The following RTN3 variants were observed in gnomAD, a reference collection of about 807,000 sequenced individuals.
RTN3 encodes reticulon 3.
Under a neutral mutation model 77.8 loss-of-function variants are expected in RTN3, and 49 were observed. That is an observed-to-expected ratio of 0.63 (90% CI 0.50 to 0.80). The LOEUF (loss-of-function observed/expected upper bound fraction) is 0.80. RTN3 is among the 30% of genes least tolerant of loss of function. RTN3 has a pLI of 0.00. For missense variants in RTN3, 1,236 were observed against 1,211.9 expected (o/e 1.02, Z -0.29); for synonymous variants, 464 against 446.9 (o/e 1.04, Z -0.48).
At chr11:63,725,711 C>G (rs572147066) in intron 3 of RTN3, among the ~76,000 whole-genome samples, 1 of 152,298 alleles carries the variant, frequency 6.6e-6, no homozygotes, top group African/African-American at 2.4e-5. Context: ...CTCGGCCTCC[C>G]AAAGTGCTGG....
chr11:63,696,755 C>T (rs1220667315), intron 1 of RTN3, among the ~76,000 whole-genome samples: 2 of 151,108 alleles, frequency 1.3e-5, no homozygotes, highest in African/African-American at 4.9e-5. Context: ...CATGGTTGGC[C>T]AGGCTGGTCT....
intron 3 of RTN3, among the ~76,000 whole-genome samples, chr11:63,740,448 A>ATTTTTTTTTTTTTTTTTTTT (rs34045543): frequency 8.3e-6 from 1 of 120,754 alleles, no homozygotes; most frequent in Non-Finnish European, 1.7e-5. Flanking sequence ...TGCCTGGCTA[A>ATTTTTTTTTTTTTTTTTTTT]TTTTTTTTTT....
chr11:63,682,943 G>C (rs1303020200), intron 1 of RTN3, among the ~76,000 whole-genome samples: 1 of 152,124 alleles, frequency 6.6e-6, no homozygotes, highest in South Asian at 2.1e-4. Context: ...AAATTCGGGA[G>C]AGTAGAGATA....
At chr11:63,727,836 C>T (rs1565328404) in intron 3 of RTN3, among the ~76,000 whole-genome samples, 1 of 152,146 alleles carries the variant, frequency 6.6e-6, no homozygotes. Context: ...GAGAGAGAGA[C>T]TGGAGAAGGA....
intron 1 of RTN3, among the ~76,000 whole-genome samples, chr11:63,685,752 C>A (rs140433490): frequency 6.6e-6 from 1 of 152,076 alleles, no homozygotes; most frequent in African/African-American, 2.4e-5. Flanking sequence ...CCAAGCTCCT[C>A]TTGGTTTTGG....
rs1308415612 is a variant in RTN3 at position 63,681,561 on chromosome 11, G to T, written c.-76G>T. 2.8e-6 allele frequency: 4 copies of T among 1,434,150 alleles called. No homozygotes were observed. Among genetic ancestry groups the T allele is most frequent in the Non-Finnish European group, 3.7e-6 (4 of 1,071,106 alleles). The allele number at this position is 1,434,150 out of a possible 1,614,324, so 88.8% of individuals were successfully genotyped here. On this transcript the variant is annotated 5_prime_UTR_variant, in exon 1 of 9. Transcript: ENST00000377819. ...AAGGGACTTGAGCGAGCCAGTTGCCGGATTATTCTATTTCCCCTCCCTCTC... is the reference window on the plus strand; with the variant it reads ...AAGGGACTTGAGCGAGCCAGTTGCCTGATTATTCTATTTCCCCTCCCTCTC...
chr11:63,705,002 CA>C (rs922153317), intron 2 of RTN3, 95 bp downstream of exon 2: 16 of 902,226 alleles, frequency 1.8e-5, no homozygotes, highest in Non-Finnish European at 2.7e-5. Context: ...TCTATTGCCC[CA>C]AATCCCCTAA....
chr11:63,691,744 A>G (rs1176551631), intron 1 of RTN3, among the ~76,000 whole-genome samples: 1 of 152,130 alleles, frequency 6.6e-6, no homozygotes, highest in Admixed American at 6.6e-5. Context: ...AGTCTGACCA[A>G]TTCTGTCAAT....
intron 7 of RTN3, among the ~76,000 whole-genome samples, chr11:63,753,982 A>G (rs979890655): frequency 2.0e-5 from 3 of 152,162 alleles, no homozygotes; most frequent in African/African-American, 7.2e-5. Context: ...TTTCTATGCA[A>G]AAGTAATAAG....
chr11:63,748,661 C>CTTTTT (rs561644667), intron 3 of RTN3, among the ~76,000 whole-genome samples: 1 of 105,882 alleles, frequency 9.4e-6, no homozygotes, highest in Non-Finnish European at 1.9e-5. Flanking sequence ...GCCCCACTCA[C>CTTTTT]TTTTTTTTTT....
At chr11:63,711,496 CCTCCCACCT>C (rs1405196737) in intron 2 of RTN3, among the ~76,000 whole-genome samples, 1 of 151,124 alleles carries the variant, frequency 6.6e-6, no homozygotes, top group Non-Finnish European at 1.5e-5. Context: ...CTCAAGCAAT[CCTCCCACCT>C]TAGCTTCCTG....
At position 63,720,496 on chromosome 11, in the gene RTN3, G is replaced by A; in HGVS notation, c.1994G>A (p.Gly665Glu). Residue 665 changes from glycine to glutamate, a missense_variant, in exon 3 of 9, where the codon GGA (glycine) becomes GAA (glutamate). Coordinates refer to ENST00000377819, the MANE Select transcript of RTN3 (RefSeq NM_001265589.2). ...GCCTTTACAGAAACCAGAGATAAAG[G>A]AATAGTAGATAGTGAAAGAAATGCT... Reference protein sequence around the residue: ...IAAFTETRDKGIVDSERNAFK... With the variant: ...IAAFTETRDKEIVDSERNAFK... The A allele has an allele frequency of 6.2e-7, 1 of 1,613,788 alleles. No homozygotes were observed. Among genetic ancestry groups the A allele is most frequent in the Non-Finnish European group, 8.5e-7 (1 of 1,179,958 alleles).
chr11:63,705,838 T>G (rs1942468830), intron 2 of RTN3, among the ~76,000 whole-genome samples: 1 of 152,208 alleles, frequency 6.6e-6, no homozygotes, highest in African/African-American at 2.4e-5. Flanking sequence ...GGAATCAGTT[T>G]GTGGAGGCAA....
At chr11:63,687,060 G>A (rs1432607760) in intron 1 of RTN3, among the ~76,000 whole-genome samples, 1 of 152,154 alleles carries the variant, frequency 6.6e-6, no homozygotes, top group Non-Finnish European at 1.5e-5. Flanking sequence ...ATGTGAATAT[G>A]TAATTTGTGT....
chr11:63,750,192 C>T lies in RTN3; in HGVS notation c.2732C>T (p.Pro911Leu). 1.2e-6 allele frequency: 2 copies of T among 1,610,960 alleles called. No homozygotes were observed. Among genetic ancestry groups the T allele is most frequent in the Non-Finnish European group, 1.7e-6 (2 of 1,178,152 alleles). The change falls in exon 4 of 9, where the codon CCA becomes CTA. Residue 911 changes from proline (P) to leucine (L), a missense_variant. Pro to Leu is a moderately conservative substitution (Grantham distance 98). This residue lies in a region of RTN3 where 141 missense variants were observed against 154.9 expected (regional missense o/e 0.91). Transcript: ENST00000377819. ...GTACAGAAGTCAGAAGAAGGCCATC[C>T]ATTCAAGTGAGTTGAAGTCTTAAAA... ...QAVQKSEEGH[P>L]FKAYLDVDIT...
chr11:63,705,358 T>TA (rs937318601), intron 2 of RTN3, among the ~76,000 whole-genome samples: 1 of 152,160 alleles, frequency 6.6e-6, no homozygotes, highest in African/African-American at 2.4e-5. Context: ...TGCATGCCTG[T>TA]AGTCCCAGCT....
In RTN3 at chr11:63,745,444, TAGAC is replaced by T. The variant is rs1164594798; in HGVS notation, c.2531-4544_2531-4541del. Among the ~76,000 whole-genome samples, 14 of 152,316 alleles carry T rather than the reference TAGAC, an allele frequency of 9.2e-5. No individual in the cohort carries two copies. The South Asian group carries it at 2.7e-3, about 29-fold the overall frequency. The stretch of plus-strand genomic sequence containing the variant: ...AGAAAGTGATGAAGGCAGGGGCTGT[TAGAC>T]AGGCTGGTCAGTGTCTGAGGAAGTA... On this transcript the variant is annotated intron_variant, in intron 3 of 8. Transcript: ENST00000377819.
intron 2 of RTN3, among the ~76,000 whole-genome samples, chr11:63,712,783 C>G (rs1475550369): frequency 1.3e-5 from 2 of 152,098 alleles, no homozygotes; most frequent in African/African-American, 4.8e-5. Context: ...CCGTGCCTGG[C>G]CGACTTCGAA....
At chr11:63,705,648 G>T (rs950197290) in intron 2 of RTN3, among the ~76,000 whole-genome samples, 2 of 152,178 alleles carry the variant, frequency 1.3e-5, no homozygotes, top group Middle Eastern at 3.2e-3. Flanking sequence ...GCCTAGCTAG[G>T]GTATTTTAAT....
Sources: gnomAD v4.1 joint callset for allele counts (sites outside exome capture counted in the v4.1 genomes callset) on GRCh38, gnomAD v4.1.1 for gene constraint, gnomAD v4.1.1 regional missense constraint, MANE v1.5 for transcripts, NCBI Gene and HGNC (gene_info 2026-07-23, HGNC 2026-07-21) for gene names.